The following P2RY14 variants were observed in gnomAD, a reference collection of about 807,000 sequenced individuals.
P2RY14 encodes P2Y purinoceptor 14.
In P2RY14, 2 loss-of-function variants were observed where a neutral mutation model predicts 0.9. The observed-to-expected ratio is 2.16, with a 90% CI of 0.88 to 6.79. The LOEUF (loss-of-function observed/expected upper bound fraction) is 6.79, where lower values mean the gene tolerates loss of function less well. Ranked by LOEUF, P2RY14 falls within the 30% of genes most tolerant of loss-of-function variation. The pLI is 0.05. For synonymous variants in P2RY14, 158 were observed against 147.2 expected (o/e 1.07, Z -0.53); for missense variants, 378 against 400.1 (o/e 0.94, Z 0.47).
chr3:151,242,299 C>A (rs867776517), intron 1 of P2RY14, among the ~76,000 whole-genome samples: 7 of 151,774 alleles, frequency 4.6e-5, no homozygotes, highest in South Asian at 2.1e-4. Flanking sequence ...GCCTGCCTCT[C>A]TAGGCTCCAC....
Position 151,215,828 on chromosome 3 carries a change from C to T in P2RY14, c.-24-1488G>A, listed in dbSNP as rs139421326. Among the ~76,000 whole-genome samples, 27 of 152,326 alleles carry T rather than the reference C, an allele frequency of 1.8e-4. No homozygotes were observed. In the East Asian group the frequency reaches 4.4e-3, roughly 25 times the overall value. On this transcript the variant is annotated intron_variant, in intron 2 of 2. Transcript: ENST00000309170. Reference sequence around the variant, plus strand: ...CCTCCTGCTTCCTCCACCCCCAGCACTGAGTTCCTGCTGTCCTGGGCCCAT... The same window carrying T: ...CCTCCTGCTTCCTCCACCCCCAGCATTGAGTTCCTGCTGTCCTGGGCCCAT...
intron 1 of P2RY14, among the ~76,000 whole-genome samples, chr3:151,223,854 G>T (rs927383385): frequency 3.9e-5 from 6 of 152,248 alleles, no homozygotes; most frequent in Admixed American, 1.3e-4. Context: ...AAAAAGAAAA[G>T]AACATTGCCT....
rs982530384 is a variant in P2RY14, at chr3:151,214,452, G to C, written c.-24-112C>G. On this transcript the variant is annotated intron_variant, in intron 2 of 2. Transcript: ENST00000309170. The stretch of plus-strand genomic sequence containing the variant: ...TAGTCAAACCTACCAAATTTTTGAA[G>C]CCACCTTTTTACTCTGTGTAAGTTA... 81 of 673,032 alleles carry C rather than the reference G, an allele frequency of 1.2e-4. No homozygotes were observed. In the African/African-American group the frequency reaches 1.3e-3, roughly 11 times the overall value. The allele number at this position is 673,032 out of a possible 1,614,324, so 41.7% of individuals were successfully genotyped here.
chr3:151,227,046 CAGG>C (rs1233795552), intron 1 of P2RY14, among the ~76,000 whole-genome samples: 3 of 152,184 alleles, frequency 2.0e-5, no homozygotes, highest in African/African-American at 7.2e-5. Context: ...TTTTCTCTGG[CAGG>C]AGATGTGAGC....
intron 1 of P2RY14, among the ~76,000 whole-genome samples, chr3:151,254,000 T>G (rs1233330066): frequency 2.9e-5 from 1 of 34,272 alleles, no homozygotes; most frequent in East Asian, 5.1e-4. Context: ...TTTTTTCTTG[T>G]TTTTTTTTTT....
chr3:151,263,102 G>T (rs578025823), intron 1 of P2RY14, among the ~76,000 whole-genome samples: 1 of 152,282 alleles, frequency 6.6e-6, no homozygotes, highest in South Asian at 2.1e-4. Flanking sequence ...TGACGAGTGA[G>T]GATTAGGACA....
chr3:151,248,966 G>A (rs1048911779), intron 1 of P2RY14: 1 of 152,204 alleles, frequency 6.6e-6, no homozygotes, highest in Admixed American at 6.5e-5. Context: ...CTGCTGGACT[G>A]CTCGTGTTGA....
intron 1 of P2RY14, among the ~76,000 whole-genome samples, chr3:151,235,517 A>G (rs1732561600): frequency 6.6e-6 from 1 of 152,128 alleles, no homozygotes; most frequent in Admixed American, 6.5e-5. Flanking sequence ...CATCATGGCT[A>G]ACATGGTGAA....
At chr3:151,247,528 T>G (rs113890544) in intron 1 of P2RY14, among the ~76,000 whole-genome samples, 2 of 148,476 alleles carry the variant, frequency 1.3e-5, no homozygotes, top group East Asian at 2.0e-4. Context: ...AACCAAACAC[T>G]GCATATTCTC....
At chr3:151,216,503 T>C (rs968723060) in intron 2 of P2RY14, among the ~76,000 whole-genome samples, 2 of 152,208 alleles carry the variant, frequency 1.3e-5, no homozygotes, top group Admixed American at 1.3e-4. Context: ...CACAAGAATA[T>C]CTTGTTTCTG....
chr3:151,271,203 C>T lies in P2RY14; in HGVS notation c.-133+7084G>A, dbSNP rs112343012. Among the ~76,000 whole-genome samples the T allele has an allele frequency of 6.5e-3, 985 of 152,106 alleles. 7 individuals are homozygous for T. The highest frequency in any genetic ancestry group is 0.014 in the South Asian group (67 of 4,812). ...CAAACTCAGTTTCTTAAAAAAAATG[C>T]TGAAAAGATGCAAACAAATAATTCA... On this transcript the variant is annotated intron_variant, in intron 1 of 2. Transcript: ENST00000309170.
intron 1 of P2RY14, among the ~76,000 whole-genome samples, chr3:151,260,870 G>A (rs1011591965): frequency 1.6e-4 from 24 of 152,160 alleles, no homozygotes; most frequent in Non-Finnish European, 2.6e-4. Context: ...AAGCTGAGAC[G>A]TTTCCAGTAA....
chr3:151,226,871 A>T (rs1233484974), intron 1 of P2RY14, among the ~76,000 whole-genome samples: 1 of 152,216 alleles, frequency 6.6e-6, no homozygotes, highest in East Asian at 1.9e-4. Flanking sequence ...TCGGACTATC[A>T]TGAATGGTGA....
chr3:151,250,733 A>G lies in P2RY14; in HGVS notation c.-133+27554T>C, dbSNP rs553239820. The stretch of plus-strand genomic sequence containing the variant: ...GAACAATGCTGCTATGAAAGTGGGT[A>G]TACAAATATCTGCTTAAGACCCTAC... On this transcript the variant is annotated intron_variant, in intron 1 of 2. Transcript: ENST00000309170. 4.5e-4 allele frequency among the ~76,000 whole-genome samples: 68 copies of G among 152,322 alleles called. 3 individuals carry two copies. The South Asian group carries it at 0.01, about 23-fold the overall frequency.
chr3:151,264,388 G>A (rs900125525), intron 1 of P2RY14, among the ~76,000 whole-genome samples: 3 of 152,232 alleles, frequency 2.0e-5, no homozygotes, highest in Non-Finnish European at 4.4e-5. Flanking sequence ...GAGGGCAGTA[G>A]GAGTGTATTT....
intron 1 of P2RY14, among the ~76,000 whole-genome samples, chr3:151,275,883 A>T (rs967181205): frequency 1.5e-4 from 23 of 152,168 alleles, no homozygotes; most frequent in Non-Finnish European, 5.9e-5. Flanking sequence ...TTTAGGAGGC[A>T]ATGCATCTTT....
intron 1 of P2RY14, among the ~76,000 whole-genome samples, chr3:151,271,192 TAAAA>T (rs538641565): frequency 6.6e-6 from 1 of 151,920 alleles, no homozygotes; most frequent in Non-Finnish European, 1.5e-5. Context: ...CTCAGTTTCT[TAAAA>T]AAAATGCTGA....
chr3:151,251,314 C>G (rs1310305782), intron 1 of P2RY14, among the ~76,000 whole-genome samples: 3 of 152,152 alleles, frequency 2.0e-5, no homozygotes, highest in Non-Finnish European at 4.4e-5. Context: ...CTACCCATTA[C>G]CCAAGCTGTC....
At chr3:151,236,328 G>A (rs927191448) in intron 1 of P2RY14, among the ~76,000 whole-genome samples, 1 of 152,166 alleles carries the variant, frequency 6.6e-6, no homozygotes, top group Non-Finnish European at 1.5e-5. Context: ...GTGCATAGTA[G>A]ATTAACATAT....
Sources: allele counts gnomAD v4.1 joint callset (sites outside exome capture counted in the v4.1 genomes callset), GRCh38; gene constraint gnomAD v4.1.1; transcripts MANE v1.5; gene names NCBI Gene and HGNC (gene_info 2026-07-23, HGNC 2026-07-21).